Variants in HIPK3 observed in about 807,000 individuals in gnomAD.
The protein encoded by HIPK3 is homeodomain-interacting protein kinase 3.
HIPK3 carries 47 observed loss-of-function variants against 124.2 expected under a neutral mutation model. The observed-to-expected ratio is 0.38, with a 90% CI of 0.30 to 0.48. The LOEUF is 0.48. HIPK3 is among the 20% of genes least tolerant of loss of function. HIPK3 has a pLI of 0.98. For missense variants in HIPK3, 1,286 were observed against 1,454.3 expected, an observed-to-expected ratio of 0.88 and a Z score of 1.88; for synonymous variants, 482 against 515.2, an observed-to-expected ratio of 0.94 and a Z score of 0.87.
intron 2 of HIPK3, among the ~76,000 whole-genome samples, chr11:33,325,609 GA>G (rs201626979): frequency 0.01 from 1,560 of 152,190 alleles, 8 homozygotes; most frequent in Non-Finnish European, 0.015. Flanking sequence ...TTCTGTATTT[GA>G]AGGCCTAGTC....
At chr11:33,258,252 C>G (rs912364531) in intron 1 of HIPK3, 2 of 969,966 alleles carry the variant, frequency 2.1e-6, no homozygotes, top group South Asian at 4.8e-5. Flanking sequence ...TCCCAGCAAC[C>G]GAAGTTTTGT....
At chr11:33,260,497 C>G (rs564106655) in intron 1 of HIPK3, among the ~76,000 whole-genome samples, 1 of 152,242 alleles carries the variant, frequency 6.6e-6, no homozygotes, top group Non-Finnish European at 1.5e-5. Flanking sequence ...TATTTGAATG[C>G]TAGTACGACT....
In HIPK3 at chr11:33,353,442, A is replaced by T. The variant is rs141503633; in HGVS notation, c.3522A>T (p.Pro1174=). 1.9e-4 allele frequency: 310 copies of T among 1,613,898 alleles called. 1 individual carries two copies. The African/African-American group carries it at 3.8e-3, about 20-fold the overall frequency. Residue 1174 remains proline, a synonymous_variant, in exon 17 of 17, where the codon CCA becomes CCT. Transcript: ENST00000303296. ...VPVGLNPRLL[P]SPTIHQTQYK... The stretch of plus-strand genomic sequence containing the variant: ...TGGGCTTAAATCCCCGTCTGTTACC[A>T]TCCCCAACCATTCATCAGACTCAGT...
chr11:33,296,301 G>C (rs1373559291), intron 2 of HIPK3, among the ~76,000 whole-genome samples: 1 of 152,098 alleles, frequency 6.6e-6, no homozygotes, highest in African/African-American at 2.4e-5. Flanking sequence ...TGCTTTTTCT[G>C]TCCAGCCCTT....
At chr11:33,309,588 G>A (rs1458725459) in intron 2 of HIPK3, among the ~76,000 whole-genome samples, 4 of 152,216 alleles carry the variant, frequency 2.6e-5, no homozygotes, top group Non-Finnish European at 5.9e-5. Context: ...TTTAGACCCA[G>A]TTAGCCACTT....
chr11:33,287,429 A>C lies in HIPK3; in HGVS notation c.1015A>C (p.Arg339=). The part of the protein sequence containing the change: ...MLVDPVRQPY[R]VKVIDFGSAS... The stretch of plus-strand genomic sequence containing the variant: ...GGTGGATCCTGTTCGGCAGCCTTAC[A>C]GGGTTAAAGTAATAGACTTTGGGTC... Residue 339 remains arginine (R), a synonymous_variant, in exon 2 of 17, where the codon AGG becomes CGG. Transcript: ENST00000303296. 1 of 1,614,190 alleles carries C rather than the reference A, an allele frequency of 6.2e-7. No homozygotes were observed. Among genetic ancestry groups the C allele is most frequent in the Non-Finnish European group, 8.5e-7 (1 of 1,180,026 alleles).
In HIPK3 at chr11:33,310,931, G is replaced by C. The variant is rs116912296; in HGVS notation, c.1098-17579G>C. ...AGCCCTTTGTGGTTTTGCTTGAAAAGCCTGAGGCATCTGCCAAGGCCCCTC... is the reference window on the plus strand; with the variant it reads ...AGCCCTTTGTGGTTTTGCTTGAAAACCCTGAGGCATCTGCCAAGGCCCCTC... On this transcript the variant is annotated intron_variant, in intron 2 of 16. Coordinates refer to ENST00000303296, the MANE Select transcript of HIPK3 (RefSeq NM_005734.5). Among the ~76,000 whole-genome samples the C allele has an allele frequency of 7.9e-3, 1,199 of 152,294 alleles. 10 individuals are homozygous for C. Among genetic ancestry groups the C allele is most frequent in the Admixed American group, 0.014 (218 of 15,292 alleles).
intron 3 of HIPK3, among the ~76,000 whole-genome samples, chr11:33,331,310 C>G (rs928585951): frequency 1.3e-5 from 2 of 152,190 alleles, no homozygotes; most frequent in African/African-American, 4.8e-5. Context: ...GGGTATGTCT[C>G]TCTCTATTAT....
chr11:33,329,750 A>G (rs1302168082), intron 3 of HIPK3, among the ~76,000 whole-genome samples: 2 of 152,126 alleles, frequency 1.3e-5, no homozygotes, highest in African/African-American at 4.8e-5. Flanking sequence ...TTTCTACCCA[A>G]TTACTAGCTT....
rs573962722 is a variant in HIPK3 at position 33,333,003 on chromosome 11, C to T, written c.1222-4072C>T. ...ATGGGTACTACACACCTTGAAACAA[C>T]CAGATCTTGAGAGAACTCACTGTTG... On this transcript the variant is annotated intron_variant, in intron 3 of 16. Coordinates refer to ENST00000303296, the MANE Select transcript of HIPK3 (RefSeq NM_005734.5). Among the ~76,000 whole-genome samples, 14 of 152,162 alleles carry T rather than the reference C, an allele frequency of 9.2e-5. No homozygotes were observed. The East Asian group carries it at 2.7e-3, about 29-fold the overall frequency.
At position 33,328,536 on chromosome 11, in the gene HIPK3, C is replaced by T. The variant is rs1852876044; in HGVS notation, c.1124C>T (p.Pro375Leu). 6.2e-7 allele frequency: 1 copy of T among 1,613,102 alleles called. No individual in the cohort carries two copies. The highest frequency in any genetic ancestry group is 1.3e-5 in the African/African-American group (1 of 74,842). Reference sequence around the variant, plus strand: ...GCTCCAGAGATTATATTGGGGTTGCCATTTTGTGAAGCCATAGACATGTGG... The same window carrying T: ...GCTCCAGAGATTATATTGGGGTTGCTATTTTGTGAAGCCATAGACATGTGG... The part of the protein sequence containing the change: ...YRAPEIILGL[P>L]FCEAIDMWSL... Residue 375 changes from proline (P) to leucine (L), a missense_variant, in exon 3 of 17, where the codon CCA (proline) becomes CTA (leucine). Coordinates refer to ENST00000303296, the MANE Select transcript of HIPK3 (RefSeq NM_005734.5).
intron 3 of HIPK3, among the ~76,000 whole-genome samples, chr11:33,336,848 G>A (rs1361089840): frequency 2.6e-5 from 4 of 152,106 alleles, no homozygotes; most frequent in Non-Finnish European, 5.9e-5. Context: ...AATTTTACCT[G>A]ACCACAATTA....
At position 33,311,975 on chromosome 11, in the gene HIPK3, T is replaced by TACACACACACACACACACAC. The variant is rs71034672; in HGVS notation, c.1098-16532_1098-16513dup. The stretch of plus-strand genomic sequence containing the variant: ...GGGCAACATAGCAAGACCCTGTTTC[T>TACACACACACACACACACAC]ACACACACACACACACACACACCAC... On this transcript the variant is annotated intron_variant, in intron 2 of 16. Coordinates refer to ENST00000303296, the MANE Select transcript of HIPK3 (RefSeq NM_005734.5). Among the ~76,000 whole-genome samples, 203 of 137,056 alleles carry TACACACACACACACACACAC rather than the reference T, an allele frequency of 1.5e-3. 1 individual carries two copies. The South Asian group carries it at 0.016, about 11-fold the overall frequency. The allele number at this position is 137,056 out of a possible 152,430, so 89.9% of individuals were successfully genotyped here. A position where few individuals can be genotyped will look rare whatever the true frequency, so the allele number is the denominator to read the frequency against.
intron 1 of HIPK3, among the ~76,000 whole-genome samples, chr11:33,259,098 A>G (rs1850756514): frequency 6.6e-6 from 1 of 151,964 alleles, no homozygotes; most frequent in Non-Finnish European, 1.5e-5. Context: ...CCTTTTTGCT[A>G]TTTTAGGTAT....
intron 6 of HIPK3, among the ~76,000 whole-genome samples, chr11:33,340,167 G>A (rs753445775): frequency 5.9e-5 from 9 of 152,270 alleles, no homozygotes; most frequent in Non-Finnish European, 1.0e-4. Flanking sequence ...TACAACCTCC[G>A]CCTCACAGGC....
At chr11:33,301,200 T>C (rs985497190) in intron 2 of HIPK3, among the ~76,000 whole-genome samples, 1 of 152,124 alleles carries the variant, frequency 6.6e-6, no homozygotes, top group African/African-American at 2.4e-5. Context: ...TAAAGGAGTT[T>C]TAGAATTGTT....
Position 33,347,836 on chromosome 11 carries a change from C to T in HIPK3, c.2145-16C>T. The T allele has an allele frequency of 6.2e-7, 1 of 1,614,052 alleles. No homozygotes were observed. The highest frequency in any genetic ancestry group is 8.5e-7 in the Non-Finnish European group (1 of 1,179,934). ...AAAGATCTTGATTAAAAACATTGTT[C>T]TGAACTTCTCCCTAGGAAGATGATT... On this transcript the variant is annotated splice_polypyrimidine_tract_variant and intron_variant, in intron 10 of 16. Transcript: ENST00000303296.
intron 2 of HIPK3, among the ~76,000 whole-genome samples, chr11:33,319,123 G>T (rs1349861619): frequency 2.0e-5 from 3 of 152,174 alleles, no homozygotes; most frequent in Admixed American, 1.3e-4. Context: ...CAACCCAGGG[G>T]TTCTTCTGTT....
intron 1 of HIPK3, chr11:33,258,271 A>T (rs780475187): frequency 5.1e-5 from 50 of 982,684 alleles, no homozygotes; most frequent in Non-Finnish European, 5.7e-5. Context: ...GTTTAGTCCC[A>T]CGGGGAGCCT....
Sources: allele counts gnomAD v4.1 joint callset (sites outside exome capture counted in the v4.1 genomes callset), GRCh38; gene constraint gnomAD v4.1.1; transcripts MANE v1.5; gene names NCBI Gene and HGNC (gene_info 2026-07-23, HGNC 2026-07-21).